The following PPP1R14C variants were observed in gnomAD, a reference collection of about 807,000 sequenced individuals.
PPP1R14C encodes protein phosphatase 1 regulatory inhibitor subunit 14C.
PPP1R14C carries 16 observed loss-of-function variants against 20.4 expected under a neutral mutation model. That is an observed-to-expected ratio of 0.78 (90% CI 0.53 to 1.19). PPP1R14C has a LOEUF of 1.19. Among genes scored for constraint, PPP1R14C ranks in the 50% most tolerant of loss-of-function variants. The pLI is 0.00. For synonymous variants in PPP1R14C, 91 were observed against 91.0 expected (o/e 1.00, Z 0.00); for missense variants, 211 against 220.1 (o/e 0.96, Z 0.26).
chr6:150,246,873 T>C (rs1173106719), intron 3 of PPP1R14C, among the ~76,000 whole-genome samples: 1 of 152,144 alleles, frequency 6.6e-6, no homozygotes, highest in Non-Finnish European at 1.5e-5. Context: ...TCTGACATAA[T>C]GCTAGGTGAA....
chr6:150,241,918 G>A (rs181083504), intron 3 of PPP1R14C, among the ~76,000 whole-genome samples: 102 of 152,242 alleles, frequency 6.7e-4, no homozygotes, highest in Middle Eastern at 6.8e-3. Flanking sequence ...GAATTGAATT[G>A]AATCGTAGGA....
chr6:150,191,417 T>G (rs1218926480), intron 1 of PPP1R14C, among the ~76,000 whole-genome samples: 11 of 152,214 alleles, frequency 7.2e-5, no homozygotes, highest in African/African-American at 2.4e-4. Context: ...GTGGAGTGAT[T>G]GTATCCACCA....
chr6:150,202,076 C>G (rs1051371272), intron 1 of PPP1R14C, among the ~76,000 whole-genome samples: 1 of 152,154 alleles, frequency 6.6e-6, no homozygotes, highest in Admixed American at 6.5e-5. Context: ...CCTGTGTGCC[C>G]CGGGGGCCTG....
intron 1 of PPP1R14C, among the ~76,000 whole-genome samples, chr6:150,207,648 A>G (rs9478580): frequency 0.011 from 1,716 of 152,380 alleles, 30 homozygotes; most frequent in African/African-American, 0.039. Context: ...ATGAAGATGT[A>G]AGACCTAATA....
rs148072070 is a variant in PPP1R14C, at chr6:150,196,539, T to C, written c.307-18205T>C. Among the ~76,000 whole-genome samples the C allele has an allele frequency of 2.3e-3, 352 of 152,296 alleles. 4 individuals carry two copies. The East Asian group carries it at 0.038, about 17-fold the overall frequency. The stretch of plus-strand genomic sequence containing the variant: ...CCCTGCTCAGGAGAAAATAAAGCTC[T>C]GGGGAGAGGCTTAACCATTTAATCA... On this transcript the variant is annotated intron_variant, in intron 1 of 3. Coordinates refer to ENST00000361131, the MANE Select transcript of PPP1R14C (RefSeq NM_030949.3).
At position 150,182,891 on chromosome 6, in the gene PPP1R14C, C is replaced by T. The variant is rs191991006; in HGVS notation, c.307-31853C>T. 8.5e-5 allele frequency among the ~76,000 whole-genome samples: 13 copies of T among 152,316 alleles called. No individual in the cohort carries two copies. In the East Asian group the frequency reaches 1.9e-3, roughly 23 times the overall value. On this transcript the variant is annotated intron_variant, in intron 1 of 3. Coordinates refer to ENST00000361131, the MANE Select transcript of PPP1R14C (RefSeq NM_030949.3). ...CTAGGTTCTATGGCACAGCCTATTA[C>T]TCCTAGGCTACAAACCTGTGCATGT...
At chr6:150,187,383 G>C (rs1777690359) in intron 1 of PPP1R14C, among the ~76,000 whole-genome samples, 1 of 151,682 alleles carries the variant, frequency 6.6e-6, no homozygotes, top group African/African-American at 2.4e-5. Context: ...TTGTTGTACA[G>C]ATTATTTTGT....
intron 1 of PPP1R14C, among the ~76,000 whole-genome samples, chr6:150,161,894 A>G (rs774851957): frequency 1.3e-5 from 2 of 152,202 alleles, no homozygotes; most frequent in Non-Finnish European, 2.9e-5. Context: ...ATTTGCTTAC[A>G]TTGTACATTA....
chr6:150,249,837 T>G lies in PPP1R14C; in HGVS notation c.*1017T>G. On this transcript the variant is annotated 3_prime_UTR_variant, in exon 4 of 4. Transcript: ENST00000361131. ...CAGTGGGAGTAAACCGAGTGTTAAG[T>G]GTCAAGGTGAGAAAGCCTCACATTC... The G allele has an allele frequency of 3.3e-6, 1 of 299,786 alleles. No homozygotes were observed. The highest frequency in any genetic ancestry group is 6.1e-6 in the Non-Finnish European group (1 of 163,898). 18.6% of individuals were successfully genotyped at this position (299,786 alleles called of 1,614,324 possible). A position where few individuals can be genotyped will look rare whatever the true frequency, so the allele number is the denominator to read the frequency against.
chr6:150,164,857 C>T (rs912056487), intron 1 of PPP1R14C, among the ~76,000 whole-genome samples: 10 of 152,130 alleles, frequency 6.6e-5, no homozygotes, highest in African/African-American at 2.4e-4. Flanking sequence ...AGGGGCCTTT[C>T]GGAGGTGATT....
intron 1 of PPP1R14C, among the ~76,000 whole-genome samples, chr6:150,203,706 A>G (rs1244826566): frequency 6.6e-6 from 1 of 152,244 alleles, no homozygotes; most frequent in Non-Finnish European, 1.5e-5. Flanking sequence ...AGAATTGGCT[A>G]GAACGGGCTT....
chr6:150,182,752 C>A (rs1349680334), intron 1 of PPP1R14C, among the ~76,000 whole-genome samples: 1 of 152,168 alleles, frequency 6.6e-6, no homozygotes, highest in East Asian at 1.9e-4. Context: ...GCCAGCCATG[C>A]TTTGCTTAGT....
At chr6:150,221,058 A>G (rs1778161125) in intron 3 of PPP1R14C, among the ~76,000 whole-genome samples, 1 of 152,238 alleles carries the variant, frequency 6.6e-6, no homozygotes, top group South Asian at 2.1e-4. Flanking sequence ...AATTTCATTC[A>G]AGTTCACTTA....
At chr6:150,167,776 C>T (rs561306465) in intron 1 of PPP1R14C, among the ~76,000 whole-genome samples, 1 of 152,078 alleles carries the variant, frequency 6.6e-6, no homozygotes, top group South Asian at 2.1e-4. Flanking sequence ...ACAGGAGTGA[C>T]CTGAGCCATT....
At chr6:150,223,764 C>T (rs1441730931) in intron 3 of PPP1R14C, among the ~76,000 whole-genome samples, 4 of 151,998 alleles carry the variant, frequency 2.6e-5, no homozygotes, top group Admixed American at 2.6e-4. Context: ...CTTTATCAGA[C>T]ATGTTCTTTG....
chr6:150,207,339 G>A (rs1479003888), intron 1 of PPP1R14C, among the ~76,000 whole-genome samples: 1 of 152,214 alleles, frequency 6.6e-6, no homozygotes, highest in Non-Finnish European at 1.5e-5. Flanking sequence ...AAGGCCCAAG[G>A]TGAGGCCATC....
intron 3 of PPP1R14C, among the ~76,000 whole-genome samples, chr6:150,217,122 G>A (rs1406465214): frequency 6.6e-6 from 1 of 152,048 alleles, no homozygotes; most frequent in East Asian, 1.9e-4. Flanking sequence ...AATTGTGAAA[G>A]GGTTTGGAAT....
intron 1 of PPP1R14C, among the ~76,000 whole-genome samples, chr6:150,168,109 TTCC>T (rs1777452243): frequency 9.0e-6 from 1 of 111,148 alleles, no homozygotes; most frequent in African/African-American, 3.7e-5. Context: ...CCCCTTTTAC[TTCC>T]CTCCCCCACT....
intron 3 of PPP1R14C, among the ~76,000 whole-genome samples, chr6:150,221,295 A>G (rs1177109426): frequency 2.0e-5 from 3 of 152,254 alleles, no homozygotes; most frequent in Non-Finnish European, 2.9e-5. Flanking sequence ...ATGTCAGAGC[A>G]GTGAGCAAGA....
Sources: gnomAD v4.1 joint callset for allele counts (sites outside exome capture counted in the v4.1 genomes callset) on GRCh38, gnomAD v4.1.1 for gene constraint, MANE v1.5 for transcripts, NCBI Gene and HGNC (gene_info 2026-07-23, HGNC 2026-07-21) for gene names.